Variants in GSN observed in about 807,000 individuals in gnomAD.
GSN encodes gelsolin.
A neutral mutation model predicts 85.7 loss-of-function variants in GSN; 56 were observed. The observed-to-expected ratio is 0.65, with a 90% CI of 0.53 to 0.82. The LOEUF (loss-of-function observed/expected upper bound fraction) is 0.82. GSN is among the 40% of genes least tolerant of loss of function. GSN has a pLI of 0.00. For missense variants in GSN, 857 were observed against 979.8 expected (o/e 0.87, Z 1.67); for synonymous variants, 373 against 399.1 (o/e 0.93, Z 0.78).
chr9:121,309,182 A>G (rs1589031876), intron 4 of GSN: 2 of 152,242 alleles, frequency 1.3e-5, no homozygotes, highest in Non-Finnish European at 2.9e-5. Flanking sequence ...CCGTGGGTAA[A>G]GTGGGGTGAA....
intron 4 of GSN, among the ~76,000 whole-genome samples, chr9:121,230,606 C>G (rs2054368782): frequency 6.6e-6 from 1 of 152,170 alleles, no homozygotes; most frequent in Admixed American, 6.5e-5. Context: ...CCTTGTGTGT[C>G]TCTGGGTAAG....
chr9:121,253,106 C>T (rs1034079549), intron 6 of GSN, among the ~76,000 whole-genome samples: 4 of 152,164 alleles, frequency 2.6e-5, no homozygotes, highest in Non-Finnish European at 5.9e-5. Flanking sequence ...TCTTTAGCCT[C>T]TTCTTATAAG....
intron 4 of GSN, among the ~76,000 whole-genome samples, chr9:121,305,872 C>A (rs1477471007): frequency 6.6e-6 from 1 of 152,216 alleles, no homozygotes; most frequent in Non-Finnish European, 1.5e-5. Context: ...AATTATAGAT[C>A]CCGGAGGAGC....
At chr9:121,303,109 C>T in intron 4 of GSN, 44 bp downstream of exon 4, 1 of 1,586,944 alleles carries the variant, frequency 6.3e-7, no homozygotes. Context: ...GACAGATGCA[C>T]CAGTAACAGG....
At chr9:121,324,751 G>GTCCGTCCA (rs1554823076) in intron 12 of GSN, 107 bp downstream of exon 12, 4 of 679,524 alleles carry the variant, frequency 5.9e-6, no homozygotes, top group East Asian at 2.8e-5. Context: ...CTGTCTGTCT[G>GTCCGTCCA]TCCATCCATC....
intron 4 of GSN, chr9:121,310,173 T>C (rs1441692185): frequency 5.5e-6 from 1 of 180,950 alleles, no homozygotes; most frequent in Non-Finnish European, 1.2e-5. Context: ...GTATTCACCA[T>C]AGGATTTGAC....
intron 5 of GSN, among the ~76,000 whole-genome samples, chr9:121,232,884 T>C (rs1300585406): frequency 3.3e-5 from 5 of 152,200 alleles, no homozygotes; most frequent in African/African-American, 1.2e-4. Context: ...ACAAAGTGGC[T>C]CGATGGCACT....
Position 121,310,826 on chromosome 9 carries a change from T to C in GSN, c.494T>C (p.Phe165Ser). Residue 165 changes from phenylalanine to serine, a missense_variant, in exon 5 of 18, where the codon TTC (phenylalanine) becomes TCC (serine). By Grantham distance (155) the Phe-to-Ser change is radical. Transcript: ENST00000432226. Reference sequence around the variant, plus strand: ...GAGAGCTTCAACAATGGCGACTGCTTCATCCTGGACCTGGGCAACGTGAGT... The same window carrying C: ...GAGAGCTTCAACAATGGCGACTGCTCCATCCTGGACCTGGGCAACGTGAGT... ...SWESFNNGDC[F>S]ILDLGNNIHQ... 1 of 1,614,100 alleles carries C rather than the reference T, an allele frequency of 6.2e-7. No homozygotes were observed. The highest frequency in any genetic ancestry group is 8.5e-7 in the Non-Finnish European group (1 of 1,180,024).
At chr9:121,289,568 G>C (rs1265839948) in intron 2 of GSN, among the ~76,000 whole-genome samples, 4 of 152,198 alleles carry the variant, frequency 2.6e-5, no homozygotes, top group African/African-American at 9.7e-5. Context: ...GGAAGAGGAG[G>C]CCGTGGATTG....
In GSN at chr9:121,249,591, TTATC is replaced by T. The variant is rs537864605; in HGVS notation, c.-341+1272_-341+1275del. Among the ~76,000 whole-genome samples, 399 of 152,362 alleles carry T rather than the reference TTATC, an allele frequency of 2.6e-3. 1 individual carries two copies. Among genetic ancestry groups the T allele is most frequent in the African/African-American group, 9.0e-3 (373 of 41,582 alleles). On this transcript the variant is annotated intron_variant, in intron 6 of 24. Transcript: ENST00000373823. ...TTCCTTTCAGAGGATATATTTCTAT[TTATC>T]TATTCTTTCTCTCTGATACGACTTT... is the stretch of plus-strand genomic sequence containing the variant.
intron 6 of GSN, among the ~76,000 whole-genome samples, chr9:121,250,676 TA>T (rs1161959497): frequency 6.6e-6 from 1 of 151,444 alleles, no homozygotes; most frequent in Non-Finnish European, 1.5e-5. Flanking sequence ...TAGCTGAGAC[TA>T]CAGGCATGTG....
At chr9:121,282,857 C>T (rs1409251723) in intron 2 of GSN, 1 of 264,748 alleles carries the variant, frequency 3.8e-6, no homozygotes, top group Admixed American at 5.5e-5. Flanking sequence ...GGGGCCCTGT[C>T]TTCCGCAGAC....
At chr9:121,237,827 A>G (rs1467011567) in intron 5 of GSN, among the ~76,000 whole-genome samples, 2 of 152,232 alleles carry the variant, frequency 1.3e-5, no homozygotes, top group Non-Finnish European at 2.9e-5. Flanking sequence ...GTAACTAACT[A>G]TATCACTGTG....
At chr9:121,328,765 T>A (rs2063538465) in intron 14 of GSN, 126 bp from the exon 15 acceptor site, 1 of 1,024,424 alleles carries the variant, frequency 9.8e-7, no homozygotes, top group Non-Finnish European at 1.5e-6. Flanking sequence ...TCCTGGGATT[T>A]TTAGGATGGA....
At chr9:121,232,388 C>G (rs901346762) in intron 5 of GSN, among the ~76,000 whole-genome samples, 3 of 152,206 alleles carry the variant, frequency 2.0e-5, no homozygotes, top group African/African-American at 7.2e-5. Flanking sequence ...TAAAGCCAGG[C>G]TTCTGATTTA....
At chr9:121,243,603 G>A (rs757563482) in intron 5 of GSN, among the ~76,000 whole-genome samples, 4 of 152,116 alleles carry the variant, frequency 2.6e-5, no homozygotes, top group Admixed American at 6.5e-5. Context: ...TGGGAGCAGC[G>A]TTTTGCTCTT....
chr9:121,230,621 T>C (rs1423769515), intron 4 of GSN, among the ~76,000 whole-genome samples: 2 of 152,216 alleles, frequency 1.3e-5, no homozygotes, highest in Non-Finnish European at 2.9e-5. Flanking sequence ...GGTAAGTTAC[T>C]TCACCTTGTT....
At chr9:121,269,254 G>A (rs2055548261) in intron 1 of GSN, among the ~76,000 whole-genome samples, 1 of 152,128 alleles carries the variant, frequency 6.6e-6, no homozygotes. Flanking sequence ...TCTGACCAGG[G>A]CACCAGGACC....
intron 4 of GSN, among the ~76,000 whole-genome samples, chr9:121,218,892 T>C (rs189127343): frequency 6.6e-5 from 10 of 152,332 alleles, no homozygotes; most frequent in Admixed American, 5.2e-4. Context: ...TGACTCCATT[T>C]TGGTACTGGC....
Sources: allele counts gnomAD v4.1 joint callset (sites outside exome capture counted in the v4.1 genomes callset), GRCh38; gene constraint gnomAD v4.1.1; transcripts MANE v1.5; gene names NCBI Gene and HGNC (gene_info 2026-07-23, HGNC 2026-07-21).